Variants in SHANK1 observed in about 807,000 individuals in gnomAD.
SHANK1 encodes the protein SH3 and multiple ankyrin repeat domains 1.
A neutral mutation model predicts 165.6 loss-of-function variants in SHANK1; 35 were observed. The ratio of observed to expected loss-of-function variants is 0.21; its 90% CI spans 0.16 to 0.28. The LOEUF (loss-of-function observed/expected upper bound fraction) is 0.28. Ranked by LOEUF, SHANK1 falls within the 10% of genes least tolerant of loss-of-function variation. The pLI is 1.00. For missense variants in SHANK1, 2,681 were observed against 3,036.4 expected (o/e 0.88, Z 2.75); for synonymous variants, 1,428 against 1,384.8 (o/e 1.03, Z -0.69).
chr19:50,661,663 C>T lies in SHANK1; in HGVS notation c.*302G>A, dbSNP rs1944085122. ...GACCCTCTATGGCTCTGTCTATCCCCTCCCCCCAGAATAGGCCCTTCCCTC... is the reference window on the plus strand; with the variant it reads ...GACCCTCTATGGCTCTGTCTATCCCTTCCCCCCAGAATAGGCCCTTCCCTC... On this transcript the variant is annotated 3_prime_UTR_variant, in exon 24 of 24. Transcript: ENST00000293441. Among the ~76,000 whole-genome samples, 1 of 152,074 alleles carries T rather than the reference C, an allele frequency of 6.6e-6. No individual in the cohort carries two copies. The highest frequency in any genetic ancestry group is 1.9e-4 in the East Asian group (1 of 5,176).
Position 50,659,848 on chromosome 19 carries a change from C to T in SHANK1, c.*2117G>A, listed in dbSNP as rs1442321483. ...GAACGAGCCCTTGATAGACGGGCGCCGCGCAGGCCCCCTGCGGACTGGGGG... is the reference window on the plus strand; with the variant it reads ...GAACGAGCCCTTGATAGACGGGCGCTGCGCAGGCCCCCTGCGGACTGGGGG... On this transcript the variant is annotated 3_prime_UTR_variant, in exon 24 of 24. Transcript: ENST00000293441. Among the ~76,000 whole-genome samples the T allele has an allele frequency of 6.1e-5, 9 of 147,940 alleles. No homozygotes were observed. Among genetic ancestry groups the T allele is most frequent in the Middle Eastern group, 3.2e-3 (1 of 310 alleles).
rs201562791 is a variant in SHANK1 at position 50,712,046 on chromosome 19, C to G, written c.861G>C (p.Thr287=). 1 of 1,613,858 alleles carries G rather than the reference C, an allele frequency of 6.2e-7. No individual in the cohort carries two copies. The highest frequency in any genetic ancestry group is 8.5e-7 in the Non-Finnish European group (1 of 1,179,916). Residue 287 remains threonine (T), a synonymous_variant, in exon 7 of 24, where the codon ACG becomes ACC. Coordinates refer to ENST00000293441, the MANE Select transcript of SHANK1 (RefSeq NM_016148.5). ...DRRGLTPLFH[T]AMVGGDPRCC... ...ATCGGGGGTCACCACCCACCATGGCCGTGTGGAACAGAGGGGTCAGCCCCC... is the reference window on the plus strand; with the variant it reads ...ATCGGGGGTCACCACCCACCATGGCGGTGTGGAACAGAGGGGTCAGCCCCC...
At position 50,659,359 on chromosome 19, in the gene SHANK1, G is replaced by T; in HGVS notation, c.*2606C>A. 1 of 388,520 alleles carries T rather than the reference G, an allele frequency of 2.6e-6. No homozygotes were observed. Among genetic ancestry groups the T allele is most frequent in the Non-Finnish European group, 4.5e-6 (1 of 222,728 alleles). 24.1% of individuals were successfully genotyped at this position (388,520 alleles called of 1,614,324 possible). Reference sequence around the variant, plus strand: ...GGGAGTCAGGGGAAGGGAGGTGATGGGGGGTAGGAATGAACCCCCATGTTA... The same window carrying T: ...GGGAGTCAGGGGAAGGGAGGTGATGTGGGGTAGGAATGAACCCCCATGTTA... On this transcript the variant is annotated 3_prime_UTR_variant, in exon 24 of 24. Coordinates refer to ENST00000293441, the MANE Select transcript of SHANK1 (RefSeq NM_016148.5).
intron 12 of SHANK1, among the ~76,000 whole-genome samples, chr19:50,701,395 G>A (rs1411352777): frequency 2.0e-5 from 3 of 147,366 alleles, no homozygotes; most frequent in Admixed American, 6.9e-5. Context: ...GATTCACCAT[G>A]TTGGCCAGGC....
chr19:50,668,864 G>T lies in SHANK1; in HGVS notation c.3096C>A (p.Pro1032=). ...HPPEMETGGS[P]DDPPPRLALG... ...GAGCCAGGCGGGGTGGAGGGTCGTC[G>T]GGAGAGCCGCCTGTCTCCATCTCGG... The change falls in exon 23 of 24, where the codon CCC becomes CCA. Residue 1032 remains proline, a synonymous_variant. Transcript: ENST00000293441. 6.2e-6 allele frequency: 8 copies of T among 1,290,966 alleles called. No homozygotes were observed. The highest frequency in any genetic ancestry group is 7.8e-6 in the Non-Finnish European group (8 of 1,025,030). The allele number at this position is 1,290,966 out of a possible 1,614,324, so 80.0% of individuals were successfully genotyped here.
At chr19:50,701,871 G>A (rs757534568) in intron 12 of SHANK1, among the ~76,000 whole-genome samples, 6 of 152,214 alleles carry the variant, frequency 3.9e-5, no homozygotes, top group Admixed American at 1.3e-4. Flanking sequence ...CCAGATGAAG[G>A]TGGAAAAACC....
In SHANK1 at chr19:50,689,353, C is replaced by T. The variant is rs776948551; in HGVS notation, c.1965-74G>A. ...GACATCATGAGACACAGAGGCTGTC[C>T]CCCACCCGGCAACCCAGACCCAAAC... On this transcript the variant is annotated intron_variant, in intron 15 of 23. Coordinates refer to ENST00000293441, the MANE Select transcript of SHANK1 (RefSeq NM_016148.5). 267 of 1,120,042 alleles carry T rather than the reference C, an allele frequency of 2.4e-4. 2 individuals carry two copies. The highest frequency in any genetic ancestry group is 5.3e-4 in the Admixed American group (31 of 58,462). 69.4% of individuals were successfully genotyped at this position (1,120,042 alleles called of 1,614,324 possible). A position where few individuals can be genotyped will look rare whatever the true frequency, so the allele number is the denominator to read the frequency against.
At position 50,716,987 on chromosome 19, in the gene SHANK1, A is replaced by C; in HGVS notation, c.-43-25T>G. On this transcript the variant is annotated intron_variant, in intron 1 of 23. Coordinates refer to ENST00000293441, the MANE Select transcript of SHANK1 (RefSeq NM_016148.5). This position sits in a 1 kb window ranked among gnomAD's most constrained non-coding sequence, Gnocchi z 8.4. ...GCTGCAGGGGCCAAGGGCGGCCATC[A>C]GACTAGGAGCCCGGGACCCCTCAGA... The C allele has an allele frequency of 7.2e-7, 1 of 1,388,322 alleles. No individual in the cohort carries two copies. The highest frequency in any genetic ancestry group is 9.3e-7 in the Non-Finnish European group (1 of 1,075,480). The allele number at this position is 1,388,322 out of a possible 1,614,324, so 86.0% of individuals were successfully genotyped here.
At chr19:50,714,666 G>A (rs1302836347) in intron 4 of SHANK1, among the ~76,000 whole-genome samples, 25 of 148,184 alleles carry the variant, frequency 1.7e-4, no homozygotes, top group Non-Finnish European at 3.3e-4. Flanking sequence ...ACTGCAGCCC[G>A]GGTGACAGAG....
At position 50,667,841 on chromosome 19, in the gene SHANK1, G is replaced by T; in HGVS notation, c.4119C>A (p.Ala1373=). ...ATGGGGGCCTGGGAGGCGGCTGGGG[G>T]GCCCCGCCGCCCTCCGAGGACTCCT... ...ALKESSEGGG[A]PQPPPRPPSP... is the part of the protein sequence containing the mutation. Residue 1373 remains alanine, a synonymous_variant, in exon 23 of 24, where the codon GCC becomes GCA. Coordinates refer to ENST00000293441, the MANE Select transcript of SHANK1 (RefSeq NM_016148.5). The surrounding 1 kb of genome is among the most constrained non-coding windows in gnomAD (Gnocchi z 5.7). 1 of 1,296,120 alleles carries T rather than the reference G, an allele frequency of 7.7e-7. No homozygotes were observed. The highest frequency in any genetic ancestry group is 9.7e-7 in the Non-Finnish European group (1 of 1,026,416). 80.3% of individuals were successfully genotyped at this position (1,296,120 alleles called of 1,614,324 possible).
At position 50,690,574 on chromosome 19, in the gene SHANK1, C is replaced by T. The variant is rs117782662; in HGVS notation, c.1965-1295G>A. ...ACACTTGTAGCACCTCCCACCCTCA[C>T]AATCCCAGTGTATTCCAATAATACC... On this transcript the variant is annotated intron_variant, in intron 15 of 23. Transcript: ENST00000293441. This position sits in a 1 kb window ranked among gnomAD's most constrained non-coding sequence, Gnocchi z 4.9. 4.4e-3 allele frequency among the ~76,000 whole-genome samples: 664 copies of T among 152,252 alleles called. 4 individuals carry two copies. The highest frequency in any genetic ancestry group is 5.8e-3 in the Non-Finnish European group (393 of 68,008).
chr19:50,668,640 T>A lies in SHANK1; in HGVS notation c.3320A>T (p.Lys1107Met). 7.3e-7 allele frequency: 1 copy of A among 1,365,960 alleles called. No individual in the cohort carries two copies. Among genetic ancestry groups the A allele is most frequent in the Non-Finnish European group, 9.5e-7 (1 of 1,057,814 alleles). 84.6% of individuals were successfully genotyped at this position (1,365,960 alleles called of 1,614,324 possible). ...YVPARSGRGR[K>M]GPLVKQTKVE... ...CTTGGTCTGCTTGACCAGCGGGCCCTTGCGGCCGCGGCCCGAGCGGGCGGG... is the reference window on the plus strand; with the variant it reads ...CTTGGTCTGCTTGACCAGCGGGCCCATGCGGCCGCGGCCCGAGCGGGCGGG... The change falls in exon 23 of 24, where the codon AAG (lysine) becomes ATG (methionine). Residue 1107 changes from lysine (K) to methionine (M), a missense_variant. Coordinates refer to ENST00000293441, the MANE Select transcript of SHANK1 (RefSeq NM_016148.5).
chr19:50,719,752 G>C lies in SHANK1; in HGVS notation c.-390C>G, dbSNP rs1163342229. Among the ~76,000 whole-genome samples, 5 of 149,206 alleles carry C rather than the reference G, an allele frequency of 3.4e-5. No homozygotes were observed. Among genetic ancestry groups the C allele is most frequent in the Non-Finnish European group, 6.0e-5 (4 of 67,018 alleles). On this transcript the variant is annotated 5_prime_UTR_variant, in exon 1 of 24. Coordinates refer to ENST00000293441, the MANE Select transcript of SHANK1 (RefSeq NM_016148.5). ...CCTCGGGCCGCCGCCGCCGCCGCCC[G>C]CTCCGCGCCTCCTCTGCCACCCTTC...
rs1198141638 is a variant in SHANK1 at position 50,672,059 on chromosome 19, A to G, written c.2633T>C (p.Leu878Pro). Residue 878 changes from leucine to proline, a missense_variant, in exon 22 of 24, where the codon CTG (leucine) becomes CCG (proline). By Grantham distance (98) the Leu-to-Pro change is moderately conservative. Coordinates refer to ENST00000293441, the MANE Select transcript of SHANK1 (RefSeq NM_016148.5). ...AQPSYERPSF[L>P]PPGPGLMLRQ... ...GAGCATCAACCCAGGTCCTGGAGGC[A>G]GGAAAGAAGGACGCTCGTAACTTGG... 6.2e-6 allele frequency: 10 copies of G among 1,613,880 alleles called. No homozygotes were observed. In the Admixed American group the frequency reaches 6.7e-5, roughly 11 times the overall value.
At position 50,716,350 on chromosome 19, in the gene SHANK1, A is replaced by G; in HGVS notation, c.384T>C (p.Asp128=). The change falls in exon 3 of 24, where the codon GAT becomes GAC. Residue 128 remains aspartate, a synonymous_variant. Transcript: ENST00000293441. The surrounding 1 kb of genome is among the most constrained non-coding windows in gnomAD (Gnocchi z 8.4). The part of the protein sequence containing the change: ...GLFQPATSGR[D]ANFLEEERLL... ...GCCTCTCCTCCTCCAGGAAGTTGGCATCGCGGCCGGAGGTGGCCGGTTGGA... is the reference window on the plus strand; with the variant it reads ...GCCTCTCCTCCTCCAGGAAGTTGGCGTCGCGGCCGGAGGTGGCCGGTTGGA... 1 of 1,614,202 alleles carries G rather than the reference A, an allele frequency of 6.2e-7. No individual in the cohort carries two copies. Among genetic ancestry groups the G allele is most frequent in the Non-Finnish European group, 8.5e-7 (1 of 1,180,024 alleles).
chr19:50,701,134 G>A (rs1194380761), intron 12 of SHANK1, among the ~76,000 whole-genome samples: 4 of 151,618 alleles, frequency 2.6e-5, no homozygotes, highest in Non-Finnish European at 5.9e-5. Flanking sequence ...TGCTTATTCA[G>A]GGGCCCAGGT....
At position 50,711,928 on chromosome 19, in the gene SHANK1, T is replaced by C. The variant is rs1432093728; in HGVS notation, c.960+19A>G. 6.2e-7 allele frequency: 1 copy of C among 1,613,838 alleles called. No homozygotes were observed. ...CTGGGTCCCCCACCCCAGCCCTTCA[T>C]GGCCTGAATCAGGAGCACCTGGTGG... On this transcript the variant is annotated intron_variant, in intron 7 of 23. Transcript: ENST00000293441.
rs1300922913 is a variant in SHANK1 at position 50,663,752 on chromosome 19, A to AG, written c.5769-1071_5769-1070insC. On this transcript the variant is annotated intron_variant, in intron 23 of 23. Coordinates refer to ENST00000293441, the MANE Select transcript of SHANK1 (RefSeq NM_016148.5). ...GCTGCTACAAGCAGTGGAAAAAAAA[A>AG]AAAAGAAAAGAAAAAAAAAATCCTC... 6.3e-5 allele frequency among the ~76,000 whole-genome samples: 8 copies of AG among 127,828 alleles called. No individual in the cohort carries two copies. In the East Asian group the frequency reaches 1.2e-3, roughly 19 times the overall value. The allele number at this position is 127,828 out of a possible 152,430, so 83.9% of individuals were successfully genotyped here.
rs1227250472 is a variant in SHANK1 at position 50,719,460 on chromosome 19, T to TCCCCCCA, written c.-105_-99dup. ...GGCGGCGCCCGCGGCCCCTCCCCCC[T>TCCCCCCA]CCCCCCACCCCCCACCCCCCCGGAG... On this transcript the variant is annotated 5_prime_UTR_variant, in exon 1 of 24. Transcript: ENST00000293441. The TCCCCCCA allele has an allele frequency of 3.9e-5, 1 of 25,694 alleles. No homozygotes were observed. Among genetic ancestry groups the TCCCCCCA allele is most frequent in the Admixed American group, 3.5e-4 (1 of 2,854 alleles). 1.6% of individuals were successfully genotyped at this position (25,694 alleles called of 1,614,324 possible). A position where few individuals can be genotyped will look rare whatever the true frequency, so the allele number is the denominator to read the frequency against.
Sources: gnomAD v4.1 joint callset for allele counts (sites outside exome capture counted in the v4.1 genomes callset) on GRCh38, gnomAD v4.1.1 for gene constraint, Gnocchi (gnomAD v3.1) non-coding constraint, MANE v1.5 for transcripts, NCBI Gene and HGNC (gene_info 2026-07-23, HGNC 2026-07-21) for gene names.